Variants in OR9Q1 observed in about 807,000 individuals in gnomAD.
OR9Q1 encodes the protein olfactory receptor 9Q1.
For synonymous variants in OR9Q1, 153 were observed against 148.6 expected (o/e 1.03, Z -0.22); for missense variants, 374 against 378.8 (o/e 0.99, Z 0.11).
intron 2 of OR9Q1, among the ~76,000 whole-genome samples, chr11:58,161,728 C>T (rs896553049): frequency 1.3e-5 from 2 of 152,028 alleles, no homozygotes; most frequent in Non-Finnish European, 2.9e-5. Flanking sequence ...GATGGGGTTT[C>T]GCTCTGTTAG....
intron 2 of OR9Q1, among the ~76,000 whole-genome samples, chr11:58,140,445 T>C (rs900127879): frequency 3.9e-5 from 6 of 152,182 alleles, no homozygotes; most frequent in Non-Finnish European, 7.3e-5. Context: ...CTTTAATTCA[T>C]CTTGAATTAA....
intron 2 of OR9Q1, among the ~76,000 whole-genome samples, chr11:58,079,818 A>G (rs1479896879): frequency 1.3e-5 from 2 of 152,138 alleles, no homozygotes; most frequent in Non-Finnish European, 2.9e-5. Flanking sequence ...CCTGGCAGAG[A>G]ACTACAGGCA....
intron 1 of OR9Q1, among the ~76,000 whole-genome samples, chr11:58,046,208 TG>T (rs1380828487): frequency 6.6e-6 from 1 of 152,198 alleles, no homozygotes; most frequent in African/African-American, 2.4e-5. Context: ...CCCTTGCCTG[TG>T]GGGCGACAAT....
intron 2 of OR9Q1, among the ~76,000 whole-genome samples, chr11:58,094,879 T>C (rs1173888664): frequency 6.6e-6 from 1 of 152,206 alleles, no homozygotes; most frequent in Non-Finnish European, 1.5e-5. Context: ...CAAATCCTCA[T>C]GCATCTTCAA....
At chr11:58,056,793 T>C (rs955108813) in intron 2 of OR9Q1, among the ~76,000 whole-genome samples, 1 of 152,034 alleles carries the variant, frequency 6.6e-6, no homozygotes, top group Admixed American at 6.6e-5. Context: ...GCAGAGAAAA[T>C]AGAGCATCTC....
intron 2 of OR9Q1, among the ~76,000 whole-genome samples, chr11:58,082,944 C>T (rs757266955): frequency 4.0e-5 from 6 of 150,800 alleles, no homozygotes; most frequent in Admixed American, 1.3e-4. Context: ...ATCCCTCCCC[C>T]CTTCCCCCAC....
chr11:58,114,984 C>G (rs1853937274), intron 2 of OR9Q1, among the ~76,000 whole-genome samples: 1 of 152,120 alleles, frequency 6.6e-6, no homozygotes, highest in Non-Finnish European at 1.5e-5. Context: ...CTTGCCTGTC[C>G]ACATGGCTTA....
chr11:58,180,155 C>T lies in OR9Q1; in HGVS notation c.711C>T (p.Phe237=), dbSNP rs762474561. 2 of 1,614,040 alleles carry T rather than the reference C, an allele frequency of 1.2e-6. No individual in the cohort carries two copies. Among genetic ancestry groups the T allele is most frequent in the Non-Finnish European group, 1.7e-6 (2 of 1,179,950 alleles). Residue 237 remains phenylalanine (F), a synonymous_variant, in exon 3 of 3, where the codon TTC becomes TTT. Coordinates refer to ENST00000335397, the MANE Select transcript of OR9Q1 (RefSeq NM_001005212.4). ...CTGCTGGAAGCCAGGCCAAGACCTTCTCCACCTGCACCTCCCACCTCACTG... is the reference window on the plus strand; with the variant it reads ...CTGCTGGAAGCCAGGCCAAGACCTTTTCCACCTGCACCTCCCACCTCACTG... ...GIPAGSQAKT[F]STCTSHLTAV...
chr11:58,094,465 A>T (rs1590586399), intron 2 of OR9Q1, among the ~76,000 whole-genome samples: 1 of 152,190 alleles, frequency 6.6e-6, no homozygotes, highest in African/African-American at 2.4e-5. Flanking sequence ...CATCTACAAC[A>T]AAACAGTGTT....
intron 2 of OR9Q1, chr11:58,171,243 T>G: frequency 6.6e-6 from 1 of 152,216 alleles, no homozygotes; most frequent in East Asian, 1.9e-4. Context: ...TGTAGAGGGT[T>G]TGACAAATGT....
chr11:58,075,957 C>T (rs1353366495), intron 2 of OR9Q1, among the ~76,000 whole-genome samples: 1 of 152,192 alleles, frequency 6.6e-6, no homozygotes, highest in Non-Finnish European at 1.5e-5. Flanking sequence ...ATCTATGACT[C>T]ATAGTACAAA....
At chr11:58,121,272 G>T (rs1010063155) in intron 2 of OR9Q1, among the ~76,000 whole-genome samples, 1 of 152,160 alleles carries the variant, frequency 6.6e-6, no homozygotes, top group Non-Finnish European at 1.5e-5. Context: ...ATATGGTACA[G>T]ATTTGAGTCA....
chr11:58,118,579 A>T, intron 2 of OR9Q1: 2 of 1,614,062 alleles, frequency 1.2e-6, no homozygotes, highest in Non-Finnish European at 1.7e-6. Context: ...TAAGCTGTAG[A>T]TCAGAGGGTT....
intron 2 of OR9Q1, among the ~76,000 whole-genome samples, chr11:58,058,155 T>G (rs116188808): frequency 1.3e-5 from 2 of 152,332 alleles, no homozygotes; most frequent in African/African-American, 4.8e-5. Context: ...TTCCCATGCA[T>G]TGGCATACGT....
chr11:58,119,005 C>T (rs189405120), intron 2 of OR9Q1: 41 of 1,613,794 alleles, frequency 2.5e-5, no homozygotes, highest in South Asian at 8.8e-5. Flanking sequence ...GACATAGGCT[C>T]CTACCACCAG....
chr11:58,034,035 C>G (rs1443426763), intron 1 of OR9Q1, among the ~76,000 whole-genome samples: 1 of 144,494 alleles, frequency 6.9e-6, no homozygotes, highest in African/African-American at 2.6e-5. Flanking sequence ...AGGATGTTGG[C>G]TAAGAAAGTT....
chr11:58,097,030 T>TG (rs1853738815), intron 2 of OR9Q1, among the ~76,000 whole-genome samples: 1 of 152,072 alleles, frequency 6.6e-6, no homozygotes, highest in African/African-American at 2.4e-5. Flanking sequence ...TTTGTAGAGA[T>TG]GGGGGTCTCA....
rs905949110 is a variant in OR9Q1, at chr11:58,181,497, A to AT, written c.*1128dup. The stretch of plus-strand genomic sequence containing the variant: ...GGAAGAGAGCAGGCCCCATCTATTA[A>AT]TTTTTTTTCATTTAAACAAATTTTT... On this transcript the variant is annotated 3_prime_UTR_variant, in exon 3 of 3. Coordinates refer to ENST00000335397, the MANE Select transcript of OR9Q1 (RefSeq NM_001005212.4). 100 of 163,440 alleles carry AT rather than the reference A, an allele frequency of 6.1e-4. No homozygotes were observed. Among genetic ancestry groups the AT allele is most frequent in the African/African-American group, 2.4e-3 (94 of 39,930 alleles). The allele number at this position is 163,440 out of a possible 1,614,324, so 10.1% of individuals were successfully genotyped here.
chr11:58,032,344 A>G (rs912221827), intron 1 of OR9Q1, among the ~76,000 whole-genome samples: 3 of 152,242 alleles, frequency 2.0e-5, no homozygotes, highest in Admixed American at 2.0e-4. Flanking sequence ...ATCTGGAGGC[A>G]TTATATTATC....
Sources: gnomAD v4.1 joint callset for allele counts (sites outside exome capture counted in the v4.1 genomes callset) on GRCh38, gnomAD v4.1.1 for gene constraint, MANE v1.5 for transcripts, NCBI Gene and HGNC (gene_info 2026-07-23, HGNC 2026-07-21) for gene names.